The following IGF2BP1 variants were observed in gnomAD, a reference collection of about 807,000 sequenced individuals.
IGF2BP1 encodes the protein insulin like growth factor 2 mRNA binding protein 1.
IGF2BP1 carries 11 observed loss-of-function variants against 74.9 expected under a neutral mutation model. That is an observed-to-expected ratio of 0.15 (90% CI 0.09 to 0.24). The LOEUF (loss-of-function observed/expected upper bound fraction) is 0.24. Ranked by LOEUF, IGF2BP1 falls within the 10% of genes least tolerant of loss-of-function variation. The pLI, the probability that IGF2BP1 is intolerant of heterozygous loss-of-function variation, is 1.00. For missense variants in IGF2BP1, 440 were observed against 757.4 expected (o/e 0.58, Z 4.92); for synonymous variants, 287 against 281.8 (o/e 1.02, Z -0.18).
intron 2 of IGF2BP1, among the ~76,000 whole-genome samples, chr17:49,023,561 A>C (rs1424148274): frequency 4.6e-5 from 7 of 152,164 alleles, no homozygotes; most frequent in Non-Finnish European, 2.9e-5. Flanking sequence ...CCTGTTTTCA[A>C]ACCCCTTCCC....
At chr17:49,042,728 G>A (rs2042065893) in intron 9 of IGF2BP1, among the ~76,000 whole-genome samples, 1 of 151,970 alleles carries the variant, frequency 6.6e-6, no homozygotes, top group Admixed American at 6.6e-5. Context: ...CCAGGTTGGA[G>A]CACAATGGCG....
Position 49,046,255 on chromosome 17 carries a change from C to A in IGF2BP1, c.1528-5C>A, listed in dbSNP as rs1340935537. Reference sequence around the variant, plus strand: ...CACCCTGAGCTCCTCTCTGGCCACCCCCAGGTGAACGAGTTGCAGAATTTG... The same window carrying A: ...CACCCTGAGCTCCTCTCTGGCCACCACCAGGTGAACGAGTTGCAGAATTTG... On this transcript the variant is annotated splice_polypyrimidine_tract_variant and splice_region_variant and intron_variant, in intron 13 of 14. Coordinates refer to ENST00000290341, the MANE Select transcript of IGF2BP1 (RefSeq NM_006546.4). 1 of 1,612,832 alleles carries A rather than the reference C, an allele frequency of 6.2e-7. No individual in the cohort carries two copies. Among genetic ancestry groups the A allele is most frequent in the African/African-American group, 1.3e-5 (1 of 75,042 alleles).
At chr17:49,040,183 G>T in intron 7 of IGF2BP1, 92 bp downstream of exon 7, 1 of 1,364,374 alleles carries the variant, frequency 7.3e-7, no homozygotes. Context: ...AGACATATAA[G>T]AAATACAGTC....
intron 6 of IGF2BP1, among the ~76,000 whole-genome samples, chr17:49,039,098 G>A (rs966386521): frequency 1.3e-5 from 2 of 151,822 alleles, no homozygotes; most frequent in African/African-American, 2.4e-5. Context: ...GGCTGGTTAC[G>A]AACTCCTGAC....
chr17:48,999,964 T>TGTGTGTGTGTGTG (rs2041467145), intron 2 of IGF2BP1, among the ~76,000 whole-genome samples: 1 of 96,178 alleles, frequency 1.0e-5, no homozygotes, highest in African/African-American at 4.4e-5. Context: ...GTGTGTGTGT[T>TGTGTGTGTGTGTG]CGTGTGTGTT....
chr17:49,026,264 G>A, intron 3 of IGF2BP1: 1 of 503,694 alleles, frequency 2.0e-6, no homozygotes, highest in Non-Finnish European at 3.5e-6. Context: ...AGGCCCTTAA[G>A]GCAGAACTTA....
intron 4 of IGF2BP1, 126 bp from the exon 5 acceptor site, chr17:49,031,784 T>G: frequency 1.2e-6 from 1 of 825,544 alleles, no homozygotes; most frequent in Non-Finnish European, 2.0e-6. Context: ...TTTGCAGTTG[T>G]GATCTACCGT....
intron 4 of IGF2BP1, among the ~76,000 whole-genome samples, chr17:49,028,459 C>G (rs1404170680): frequency 6.6e-6 from 1 of 152,180 alleles, no homozygotes. Flanking sequence ...ATCTTAAATG[C>G]CAGGATACAA....
intron 5 of IGF2BP1, 69 bp downstream of exon 5, chr17:49,032,042 T>C: frequency 7.3e-7 from 1 of 1,371,404 alleles, no homozygotes; most frequent in South Asian, 1.2e-5. Flanking sequence ...GTGAGCCTGG[T>C]CCCACTTTTT....
At chr17:49,028,063 T>G (rs1441905100) in intron 4 of IGF2BP1, among the ~76,000 whole-genome samples, 3 of 151,708 alleles carry the variant, frequency 2.0e-5, no homozygotes, top group African/African-American at 7.3e-5. Context: ...CTAGGGAGGC[T>G]GAGGCAAGAG....
intron 2 of IGF2BP1, 66 bp downstream of exon 2, chr17:48,999,235 G>A (rs893693040): frequency 1.0e-6 from 1 of 953,420 alleles, no homozygotes; most frequent in Non-Finnish European, 1.7e-6. Flanking sequence ...GCTGTGTTCA[G>A]GGGTCCATAG....
intron 4 of IGF2BP1, 26 bp downstream of exon 4, chr17:49,026,543 G>T (rs1231588751): frequency 1.9e-6 from 3 of 1,608,050 alleles, no homozygotes; most frequent in Non-Finnish European, 2.6e-6. Context: ...GTGTGGGGTG[G>T]CACTCGTGGT....
At chr17:49,012,436 T>C (rs556514826) in intron 2 of IGF2BP1, 94 of 152,364 alleles carry the variant, frequency 6.2e-4, no homozygotes, top group African/African-American at 2.2e-3. Context: ...GGACTCTGTT[T>C]CCTTACCTGA....
chr17:49,001,736 A>G (rs1482400751), intron 2 of IGF2BP1, among the ~76,000 whole-genome samples: 1 of 152,150 alleles, frequency 6.6e-6, no homozygotes, highest in Non-Finnish European at 1.5e-5. Context: ...GAGAATTTGT[A>G]TATGTTCACT....
intron 11 of IGF2BP1, among the ~76,000 whole-genome samples, chr17:49,044,408 G>A (rs565566875): frequency 7.2e-5 from 11 of 152,248 alleles, no homozygotes; most frequent in Admixed American, 7.2e-4. Context: ...TATGATCTGA[G>A]CCTCACTTTC....
At position 48,997,907 on chromosome 17, in the gene IGF2BP1, C is replaced by T. The variant is rs746176970; in HGVS notation, c.162C>T (p.Ile54=). 6.2e-7 allele frequency: 1 copy of T among 1,613,758 alleles called. No individual in the cohort carries two copies. Among genetic ancestry groups the T allele is most frequent in the South Asian group, 1.1e-5 (1 of 91,010 alleles). Residue 54 remains isoleucine, a synonymous_variant, in exon 1 of 15, where the codon ATC becomes ATT. Coordinates refer to ENST00000290341, the MANE Select transcript of IGF2BP1 (RefSeq NM_006546.4). This position sits in a 1 kb window ranked among gnomAD's most constrained non-coding sequence, Gnocchi z 4.8. The part of the protein sequence containing the change: ...CPDEHWAMKA[I]ETFSGKVELQ... ...ACGAGCACTGGGCGATGAAGGCCATCGAAACTTTCTCCGGTAAGAACACAG... is the reference window on the plus strand; with the variant it reads ...ACGAGCACTGGGCGATGAAGGCCATTGAAACTTTCTCCGGTAAGAACACAG...
rs1208248057 is a variant in IGF2BP1 at position 49,053,210 on chromosome 17, C to T, written c.*3766C>T. On this transcript the variant is annotated 3_prime_UTR_variant, in exon 15 of 15. Transcript: ENST00000290341. ...ATGCCTCACTATTGGCAGAAAAGACCCCATTTAAAACCCAGAGAACACTGG... is the reference window on the plus strand; with the variant it reads ...ATGCCTCACTATTGGCAGAAAAGACTCCATTTAAAACCCAGAGAACACTGG... 2 of 152,610 alleles carry T rather than the reference C, an allele frequency of 1.3e-5. No individual in the cohort carries two copies. Among genetic ancestry groups the T allele is most frequent in the Non-Finnish European group, 2.9e-5 (2 of 68,070 alleles). 9.5% of individuals were successfully genotyped at this position (152,610 alleles called of 1,614,324 possible).
intron 14 of IGF2BP1, among the ~76,000 whole-genome samples, chr17:49,046,713 G>T (rs530044217): frequency 1.3e-5 from 2 of 151,194 alleles, no homozygotes; most frequent in Non-Finnish European, 2.9e-5. Context: ...ACCCCTTTCT[G>T]CACTGGTTAA....
At position 48,998,216 on chromosome 17, in the gene IGF2BP1, G is replaced by T. The variant is rs148047059; in HGVS notation, c.175+296G>T. 2.4e-3 allele frequency among the ~76,000 whole-genome samples: 369 copies of T among 152,238 alleles called. 4 individuals are homozygous for T. In the East Asian group the frequency reaches 0.028, roughly 12 times the overall value. On this transcript the variant is annotated intron_variant, in intron 1 of 14. Coordinates refer to ENST00000290341, the MANE Select transcript of IGF2BP1 (RefSeq NM_006546.4). ...GGCGGGAGCCCCCACTGGCAGTAGT[G>T]GGGGGTTGAATTTAGGGACACGGGG...
Sources: gnomAD v4.1 joint callset for allele counts (sites outside exome capture counted in the v4.1 genomes callset) on GRCh38, gnomAD v4.1.1 for gene constraint, Gnocchi (gnomAD v3.1) non-coding constraint, MANE v1.5 for transcripts, NCBI Gene and HGNC (gene_info 2026-07-23, HGNC 2026-07-21) for gene names.